Variants in CCDC171 observed in about 807,000 individuals in gnomAD.
CCDC171 encodes the protein coiled-coil domain containing 171, also known as coiled-coil domain-containing protein 171.
CCDC171 carries 177 observed loss-of-function variants against 168.2 expected under a neutral mutation model. The ratio of observed to expected loss-of-function variants is 1.05; its 90% CI spans 0.93 to 1.19. The LOEUF is 1.19. CCDC171 is among the 50% of genes most tolerant of loss of function. CCDC171 has a pLI of 0.00. For missense variants in CCDC171, 1,991 were observed against 1,539.0 expected, an observed-to-expected ratio of 1.29 and a Z score of -4.91; for synonymous variants, 687 against 540.8, an observed-to-expected ratio of 1.27 and a Z score of -3.75.
chr9:15,778,914 A>C (rs528756897), intron 19 of CCDC171, 54 bp from the exon 20 acceptor site: 1 of 1,225,130 alleles, frequency 8.2e-7, no homozygotes, highest in African/African-American at 1.5e-5. Context: ...GGTTATTGCT[A>C]TTGTTAGTAA....
intron 21 of CCDC171, among the ~76,000 whole-genome samples, chr9:15,810,457 T>C (rs1165705113): frequency 1.2e-5 from 1 of 85,748 alleles, no homozygotes; most frequent in East Asian, 3.5e-4. Flanking sequence ...GGGTGGCGCC[T>C]GTCGGGGAGG....
intron 7 of CCDC171, among the ~76,000 whole-genome samples, chr9:15,651,064 C>T (rs1423980299): frequency 1.3e-5 from 2 of 151,978 alleles, no homozygotes; most frequent in African/African-American, 4.8e-5. Context: ...ATTCTACTCT[C>T]TACCTCCTTG....
intron 1 of CCDC171, among the ~76,000 whole-genome samples, chr9:16,043,606 C>T (rs1354583360): frequency 6.6e-6 from 1 of 152,194 alleles, no homozygotes; most frequent in Non-Finnish European, 1.5e-5. Context: ...CCACATTTAC[C>T]TGTGCCACTT....
chr9:15,867,625 C>A (rs1397795983), intron 23 of CCDC171, among the ~76,000 whole-genome samples: 1 of 151,970 alleles, frequency 6.6e-6, no homozygotes, highest in Non-Finnish European at 1.5e-5. Flanking sequence ...TCTGACCTAG[C>A]CAAGCTAAAA....
chr9:16,045,782 T>G (rs1181370035), intron 1 of CCDC171, among the ~76,000 whole-genome samples: 2 of 152,112 alleles, frequency 1.3e-5, no homozygotes, highest in African/African-American at 2.4e-5. Flanking sequence ...AAAATATTTG[T>G]TTTTGGTGAC....
At chr9:15,715,259 A>G (rs1465561733) in intron 11 of CCDC171, among the ~76,000 whole-genome samples, 1 of 152,238 alleles carries the variant, frequency 6.6e-6, no homozygotes, top group African/African-American at 2.4e-5. Context: ...AATACTTTCC[A>G]TATGTTAGAA....
intron 3 of CCDC171, among the ~76,000 whole-genome samples, chr9:15,986,209 G>A (rs945946736): frequency 6.6e-6 from 1 of 152,196 alleles, no homozygotes; most frequent in East Asian, 1.9e-4. Context: ...TAGGCAAAAG[G>A]TAAAGTTTAA....
intron 25 of CCDC171, among the ~76,000 whole-genome samples, chr9:15,955,132 A>C (rs558853312): frequency 1.3e-5 from 2 of 152,144 alleles, no homozygotes; most frequent in African/African-American, 2.4e-5. Flanking sequence ...CTGTGTGTCA[A>C]GGATCAGCCT....
chr9:16,069,647 G>C, the CCDC171 span, among the ~76,000 whole-genome samples: 1 of 152,230 alleles, frequency 6.6e-6, no homozygotes, highest in Non-Finnish European at 1.5e-5. Flanking sequence ...GATCTTCAAG[G>C]GTATTTGGGG....
chr9:16,101,155 A>G, the CCDC171 span, among the ~76,000 whole-genome samples: 1 of 152,200 alleles, frequency 6.6e-6, no homozygotes, highest in Admixed American at 6.5e-5. Flanking sequence ...TTCTTGCTAC[A>G]CAAAGGAAAT....
At chr9:15,627,760 A>C (rs1391603108) in intron 7 of CCDC171, among the ~76,000 whole-genome samples, 1 of 151,368 alleles carries the variant, frequency 6.6e-6, no homozygotes, top group Non-Finnish European at 1.5e-5. Context: ...TTTTGGAGTA[A>C]GTGTGATGTG....
chr9:15,711,331 A>G (rs1156808457), intron 11 of CCDC171, among the ~76,000 whole-genome samples: 4 of 152,062 alleles, frequency 2.6e-5, no homozygotes, highest in Non-Finnish European at 5.9e-5. Flanking sequence ...CATCTTGTAC[A>G]CTTCTTTTTT....
intron 6 of CCDC171, among the ~76,000 whole-genome samples, chr9:15,603,874 G>A (rs1017077785): frequency 2.6e-5 from 4 of 152,134 alleles, no homozygotes; most frequent in Admixed American, 2.6e-4. Flanking sequence ...CACCAACACT[G>A]TAAAAGCATT....
rs553907221 is a variant in CCDC171 at position 15,566,601 on chromosome 9, A to G, written c.41+2472A>G. Among the ~76,000 whole-genome samples the G allele has an allele frequency of 8.5e-5, 13 of 152,136 alleles. No homozygotes were observed. The South Asian group carries it at 2.3e-3, about 27-fold the overall frequency. On this transcript the variant is annotated intron_variant, in intron 2 of 25. Transcript: ENST00000380701. ...AAAATAAGATATATGATATGCAAAC[A>G]TTTTTCTCCTGTTTAGTGGCTTGAC...
intron 24 of CCDC171, among the ~76,000 whole-genome samples, chr9:15,918,271 T>G (rs1250490427): frequency 6.6e-6 from 1 of 151,462 alleles, no homozygotes; most frequent in Non-Finnish European, 1.5e-5. Flanking sequence ...AAATCCCTAG[T>G]AAACATTAGC....
At chr9:15,699,474 G>A (rs2051505284) in intron 11 of CCDC171, among the ~76,000 whole-genome samples, 1 of 152,036 alleles carries the variant, frequency 6.6e-6, no homozygotes, top group African/African-American at 2.4e-5. Flanking sequence ...CTCTTATCCG[G>A]CCCCACCCAC....
intron 8 of CCDC171, among the ~76,000 whole-genome samples, chr9:15,661,528 G>A (rs944022546): frequency 1.3e-5 from 2 of 152,062 alleles, no homozygotes; most frequent in African/African-American, 2.4e-5. Context: ...GTTTATATTT[G>A]AATCATAAAT....
intron 24 of CCDC171, among the ~76,000 whole-genome samples, chr9:15,910,953 C>G (rs1403369151): frequency 6.6e-6 from 1 of 152,112 alleles, no homozygotes; most frequent in Non-Finnish European, 1.5e-5. Flanking sequence ...CATTGATGGA[C>G]ATTTGGGTTG....
intron 20 of CCDC171, among the ~76,000 whole-genome samples, chr9:15,782,373 C>T (rs968140972): frequency 7.9e-5 from 12 of 152,118 alleles, no homozygotes; most frequent in South Asian, 2.1e-4. Context: ...TCTTATTCTG[C>T]GTTGCTATAC....
Sources: allele counts gnomAD v4.1 joint callset (sites outside exome capture counted in the v4.1 genomes callset), GRCh38; gene constraint gnomAD v4.1.1; transcripts MANE v1.5; gene names NCBI Gene and HGNC (gene_info 2026-07-23, HGNC 2026-07-21).